Variants in TNIK observed in about 807,000 individuals in gnomAD.
TNIK encodes the protein TRAF2 and NCK interacting kinase.
A neutral mutation model predicts 191.3 loss-of-function variants in TNIK; 49 were observed. The observed-to-expected ratio is 0.26, with a 90% CI of 0.20 to 0.32. TNIK has a LOEUF of 0.32. Among genes scored for constraint, TNIK ranks in the 10% least tolerant of loss-of-function variants. The pLI, the probability that TNIK is intolerant of heterozygous loss-of-function variation, is 1.00. For synonymous variants in TNIK, 594 were observed against 600.9 expected (o/e 0.99, Z 0.17); for missense variants, 1,155 against 1,702.3 (o/e 0.68, Z 5.66).
intron 2 of TNIK, among the ~76,000 whole-genome samples, chr3:171,259,121 C>T (rs892433535): frequency 1.3e-5 from 2 of 151,480 alleles, no homozygotes; most frequent in African/African-American, 2.4e-5. Flanking sequence ...AGCATGCACA[C>T]GAGAGAGAGA....
At position 171,321,863 on chromosome 3, in the gene TNIK, C is replaced by T. The variant is rs1755200405; in HGVS notation, c.123+47757G>A. On this transcript the variant is annotated intron_variant, in intron 2 of 32. Coordinates refer to ENST00000436636, the MANE Select transcript of TNIK (RefSeq NM_015028.4). ...CAATTTTACCTGTTTCACTCCCAAA[C>T]CCAGCTAATTAGCATAAATGTCAGT... Among the ~76,000 whole-genome samples the T allele has an allele frequency of 3.9e-5, 6 of 152,288 alleles. No homozygotes were observed. In the South Asian group the frequency reaches 1.0e-3, roughly 26 times the overall value.
At chr3:171,372,108 G>C (rs546552327) in intron 1 of TNIK, among the ~76,000 whole-genome samples, 1 of 152,274 alleles carries the variant, frequency 6.6e-6, no homozygotes, top group African/African-American at 2.4e-5. Context: ...TCTCAGAGCT[G>C]GGGTTAGTAG....
At chr3:171,167,396 A>G in intron 9 of TNIK, 126 bp from the exon 10 acceptor site, 1 of 1,157,480 alleles carries the variant, frequency 8.6e-7, no homozygotes, top group Non-Finnish European at 1.2e-6. Context: ...GGGATCATCC[A>G]CTAATCAGAA....
chr3:171,365,161 C>CTGTTTTTTTTTTTTTT (rs1715521178), intron 2 of TNIK, among the ~76,000 whole-genome samples: 1 of 31,912 alleles, frequency 3.1e-5, no homozygotes, highest in East Asian at 1.4e-3. Context: ...GGACTACATT[C>CTGTTTTTTTTTTTTTT]TTTTTTTTTT....
At chr3:171,157,076 G>A (rs912502869) in intron 12 of TNIK, among the ~76,000 whole-genome samples, 4 of 152,180 alleles carry the variant, frequency 2.6e-5, no homozygotes, top group Non-Finnish European at 4.4e-5. Flanking sequence ...GGACATTCAG[G>A]CATGTAAAAG....
chr3:171,403,508 A>G (rs7429600), intron 1 of TNIK, among the ~76,000 whole-genome samples: 114,562 of 151,454 alleles, frequency 0.76, 44,788 homozygotes, highest in African/African-American at 0.89. Context: ...CAGCTACTCC[A>G]GAGGCTGAGG....
intron 22 of TNIK, among the ~76,000 whole-genome samples, chr3:171,101,158 G>A (rs779221021): frequency 6.6e-6 from 1 of 152,086 alleles, no homozygotes; most frequent in African/African-American, 2.4e-5. Context: ...TGTCGATATT[G>A]TTTGCCCTTA....
At chr3:171,189,687 T>C (rs1342821336) in intron 6 of TNIK, among the ~76,000 whole-genome samples, 1 of 152,218 alleles carries the variant, frequency 6.6e-6, no homozygotes, top group Non-Finnish European at 1.5e-5. Context: ...GTTGCTCTGA[T>C]GTTTATGAGA....
In TNIK at chr3:171,210,318, C is replaced by T. The variant is rs182490639; in HGVS notation, c.306+798G>A. Among the ~76,000 whole-genome samples the T allele has an allele frequency of 1.9e-4, 29 of 152,094 alleles. 1 individual carries two copies. In the East Asian group the frequency reaches 5.6e-3, roughly 29 times the overall value. ...ATAAAATTGGCAAGGGAAGGCCAAA[C>T]CAATACAGCATTATAATCTTGCTGA... On this transcript the variant is annotated intron_variant, in intron 4 of 32. Coordinates refer to ENST00000436636, the MANE Select transcript of TNIK (RefSeq NM_015028.4).
At chr3:171,122,761 T>C (rs146496807) in intron 18 of TNIK, among the ~76,000 whole-genome samples, 3 of 152,334 alleles carry the variant, frequency 2.0e-5, no homozygotes, top group African/African-American at 7.2e-5. Flanking sequence ...AATCACATCC[T>C]TTTTATAGCC....
At chr3:171,085,270 C>T (rs994842009) in intron 24 of TNIK, 41 bp from the exon 25 acceptor site, 9 of 1,530,960 alleles carry the variant, frequency 5.9e-6, no homozygotes, top group African/African-American at 2.8e-5. Flanking sequence ...CAGATAAATA[C>T]TGCAGGAATA....
At chr3:171,337,699 G>A (rs994349106) in intron 2 of TNIK, among the ~76,000 whole-genome samples, 1 of 152,202 alleles carries the variant, frequency 6.6e-6, no homozygotes, top group South Asian at 2.1e-4. Flanking sequence ...CCAGGCCTGA[G>A]TTCCATAGTC....
At chr3:171,105,626 C>T (rs1576826518) in intron 21 of TNIK, among the ~76,000 whole-genome samples, 2 of 152,068 alleles carry the variant, frequency 1.3e-5, no homozygotes, top group South Asian at 4.1e-4. Context: ...ATTACGTATA[C>T]CTCCATTGCC....
At chr3:171,167,491 T>G (rs893716509) in intron 9 of TNIK, among the ~76,000 whole-genome samples, 2 of 152,184 alleles carry the variant, frequency 1.3e-5, no homozygotes, top group Admixed American at 6.5e-5. Context: ...AAGGTAGTTA[T>G]GCACATGAAA....
intron 1 of TNIK, among the ~76,000 whole-genome samples, chr3:171,436,045 A>G (rs534094864): frequency 4.0e-5 from 6 of 150,530 alleles, no homozygotes; most frequent in Non-Finnish European, 7.4e-5. Context: ...TTTTACATCA[A>G]TGGCATTCTC....
intron 23 of TNIK, 62 bp from the exon 24 acceptor site, chr3:171,087,568 C>T (rs1721532189): frequency 6.3e-7 from 1 of 1,580,586 alleles, no homozygotes; most frequent in African/African-American, 1.3e-5. Flanking sequence ...AGAGTGACAT[C>T]AGCCCTCACA....
rs997580619 is a variant in TNIK, at chr3:171,080,476, G to A, written c.3314-824C>T. Among the ~76,000 whole-genome samples, 42 of 150,606 alleles carry A rather than the reference G, an allele frequency of 2.8e-4. 1 individual carries two copies. Among genetic ancestry groups the A allele is most frequent in the Non-Finnish European group, 1.0e-4 (7 of 67,854 alleles). ...TTGAGACATGAGTTTCACTTTTGTCGCCAAGGCCGGAGTCCAGTGGCATGA... is the reference window on the plus strand; with the variant it reads ...TTGAGACATGAGTTTCACTTTTGTCACCAAGGCCGGAGTCCAGTGGCATGA... On this transcript the variant is annotated intron_variant, in intron 27 of 32. Coordinates refer to ENST00000436636, the MANE Select transcript of TNIK (RefSeq NM_015028.4).
At chr3:171,238,519 C>T (rs1462517785) in intron 2 of TNIK, among the ~76,000 whole-genome samples, 1 of 151,982 alleles carries the variant, frequency 6.6e-6, no homozygotes, top group Admixed American at 6.6e-5. Flanking sequence ...TGTCTGGAGA[C>T]ATCTTTTGAT....
chr3:171,417,546 A>C (rs766800312), intron 1 of TNIK, among the ~76,000 whole-genome samples: 12 of 152,230 alleles, frequency 7.9e-5, no homozygotes, highest in Non-Finnish European at 1.8e-4. Context: ...TATAAAAAAA[A>C]GTTAAAAATC....
Sources: gnomAD v4.1 joint callset for allele counts (sites outside exome capture counted in the v4.1 genomes callset) on GRCh38, gnomAD v4.1.1 for gene constraint, MANE v1.5 for transcripts, NCBI Gene and HGNC (gene_info 2026-07-23, HGNC 2026-07-21) for gene names.